Variants in MEF2C observed in about 807,000 individuals in gnomAD.
MEF2C encodes myocyte-specific enhancer factor 2C.
MEF2C carries 6 observed loss-of-function variants against 50.5 expected under a neutral mutation model. The ratio of observed to expected loss-of-function variants is 0.12; its 90% CI spans 0.07 to 0.23. The LOEUF is 0.23. Among genes scored for constraint, MEF2C ranks in the 10% least tolerant of loss-of-function variants. MEF2C has a pLI of 1.00. For synonymous variants in MEF2C, 183 were observed against 228.0 expected, an observed-to-expected ratio of 0.80 and a Z score of 1.78; for missense variants, 276 against 605.0, an observed-to-expected ratio of 0.46 and a Z score of 5.70.
At chr5:88,723,965 T>G (rs1395975129) in intron 10 of MEF2C, among the ~76,000 whole-genome samples, 1 of 152,004 alleles carries the variant, frequency 6.6e-6, no homozygotes, top group African/African-American at 2.4e-5. Flanking sequence ...GCAATCACAA[T>G]GACTTTGATC....
intron 1 of MEF2C, among the ~76,000 whole-genome samples, chr5:88,870,562 G>C (rs1829200179): frequency 6.6e-6 from 1 of 152,076 alleles, no homozygotes; most frequent in Non-Finnish European, 1.5e-5. Context: ...ACCTGGAAGA[G>C]AAAGTGTTCA....
intron 1 of MEF2C, among the ~76,000 whole-genome samples, chr5:88,900,094 G>A (rs1047519028): frequency 6.6e-6 from 1 of 151,982 alleles, no homozygotes; most frequent in Non-Finnish European, 1.5e-5. Context: ...TATAAATTCA[G>A]AATGTGGTAG....
intron 1 of MEF2C, among the ~76,000 whole-genome samples, chr5:88,867,919 C>T (rs539065497): frequency 9.5e-4 from 144 of 152,296 alleles, no homozygotes; most frequent in African/African-American, 3.4e-3. Flanking sequence ...TATCATTACG[C>T]GTGCAGCGAG....
chr5:88,727,930 A>G (rs955116265), intron 10 of MEF2C, among the ~76,000 whole-genome samples: 1 of 152,088 alleles, frequency 6.6e-6, no homozygotes, highest in Non-Finnish European at 1.5e-5. Flanking sequence ...TCCTCTGACT[A>G]CATAAAACAA....
At chr5:88,745,687 T>C (rs1561785360) in intron 6 of MEF2C, among the ~76,000 whole-genome samples, 1 of 152,126 alleles carries the variant, frequency 6.6e-6, no homozygotes, top group Non-Finnish European at 1.5e-5. Flanking sequence ...TGGTGGTGCA[T>C]GCCTGTGGTC....
chr5:88,753,716 A>AT (rs537008303), intron 4 of MEF2C, among the ~76,000 whole-genome samples: 194 of 152,318 alleles, frequency 1.3e-3, no homozygotes, highest in Non-Finnish European at 2.3e-3. Context: ...TTAGAGGGAA[A>AT]TAAAAATGTT....
At chr5:88,728,699 C>T (rs900770545) in intron 9 of MEF2C, 71 bp from the exon 10 acceptor site, 7 of 1,135,032 alleles carry the variant, frequency 6.2e-6, no homozygotes, top group Non-Finnish European at 8.0e-6. Flanking sequence ...ATAGAATAAA[C>T]ATTTTCAATT....
At chr5:88,850,576 T>G (rs1440368556) in intron 1 of MEF2C, among the ~76,000 whole-genome samples, 3 of 152,102 alleles carry the variant, frequency 2.0e-5, no homozygotes, top group Non-Finnish European at 4.4e-5. Context: ...GAAGAGGACC[T>G]TCAGGGCCAC....
chr5:88,847,160 G>A (rs1003506552), intron 1 of MEF2C, among the ~76,000 whole-genome samples: 18 of 152,198 alleles, frequency 1.2e-4, no homozygotes, highest in African/African-American at 4.1e-4. Flanking sequence ...AGAAATGTGA[G>A]AGTGTAGACA....
chr5:88,745,474 G>A (rs1034175289), intron 6 of MEF2C, among the ~76,000 whole-genome samples: 7 of 152,186 alleles, frequency 4.6e-5, no homozygotes, highest in African/African-American at 7.2e-5. Flanking sequence ...AAGAGTAAGC[G>A]GCCGTGACAT....
chr5:88,870,189 A>G (rs1829075008), intron 1 of MEF2C, among the ~76,000 whole-genome samples: 1 of 152,100 alleles, frequency 6.6e-6, no homozygotes, highest in Non-Finnish European at 1.5e-5. Flanking sequence ...AAATTTTAAT[A>G]TAATACATTT....
At chr5:88,901,632 A>G (rs927743608) in intron 1 of MEF2C, among the ~76,000 whole-genome samples, 8 of 152,042 alleles carry the variant, frequency 5.3e-5, no homozygotes, top group African/African-American at 1.9e-4. Context: ...AATGTTAAAT[A>G]TTTAGAGCAG....
At chr5:88,813,345 G>C (rs1803717188) in intron 2 of MEF2C, among the ~76,000 whole-genome samples, 1 of 152,146 alleles carries the variant, frequency 6.6e-6, no homozygotes, top group African/African-American at 2.4e-5. Flanking sequence ...TCTAAAAACA[G>C]AGAAGGAGTC....
chr5:88,733,490 G>A, intron 6 of MEF2C: 3 of 985,410 alleles, frequency 3.0e-6, no homozygotes, highest in Non-Finnish European at 3.6e-6. Context: ...TCAGGAATTA[G>A]TAAGGCCTGC....
At chr5:88,850,843 A>G (rs1821058487) in intron 1 of MEF2C, among the ~76,000 whole-genome samples, 1 of 152,160 alleles carries the variant, frequency 6.6e-6, no homozygotes, top group South Asian at 2.1e-4. Context: ...ATTTTCTTCC[A>G]TCTCTACCAC....
At chr5:88,822,789 T>A (rs1368655676) in intron 2 of MEF2C, among the ~76,000 whole-genome samples, 2 of 151,964 alleles carry the variant, frequency 1.3e-5, no homozygotes, top group African/African-American at 2.4e-5. Flanking sequence ...CCTTCTTCAG[T>A]GTAACCGAAA....
At chr5:88,813,446 C>T (rs1230589483) in intron 2 of MEF2C, among the ~76,000 whole-genome samples, 1 of 151,880 alleles carries the variant, frequency 6.6e-6, no homozygotes, top group African/African-American at 2.4e-5. Flanking sequence ...CACACGCCTG[C>T]CCCCTCCCTC....
At position 88,861,470 on chromosome 5, in the gene MEF2C, T is replaced by C. The variant is rs1484146793; in HGVS notation, c.-143+21485A>G. 2.0e-5 allele frequency among the ~76,000 whole-genome samples: 3 copies of C among 152,312 alleles called. No homozygotes were observed. The East Asian group carries it at 5.8e-4, about 29-fold the overall frequency. ...ATTATCTCCCTTGGATGTGGTATGT[T>C]CTTGAAATTTACCGGTCTATCCAGT... On this transcript the variant is annotated intron_variant, in intron 1 of 10. Transcript: ENST00000504921.
chr5:88,899,253 G>A (rs1835401310), intron 1 of MEF2C, among the ~76,000 whole-genome samples: 1 of 152,114 alleles, frequency 6.6e-6, no homozygotes, highest in Non-Finnish European at 1.5e-5. Flanking sequence ...GACTTCACAG[G>A]CTAGATAGTG....
Sources: gnomAD v4.1 joint callset for allele counts (sites outside exome capture counted in the v4.1 genomes callset) on GRCh38, gnomAD v4.1.1 for gene constraint, MANE v1.5 for transcripts, NCBI Gene and HGNC (gene_info 2026-07-23, HGNC 2026-07-21) for gene names.